The following KCMF1 variants were observed in gnomAD, a reference collection of about 807,000 sequenced individuals.
KCMF1 encodes the protein potassium channel modulatory factor 1, also known as E3 ubiquitin-protein ligase KCMF1.
A neutral mutation model predicts 41.1 loss-of-function variants in KCMF1; 3 were observed. The ratio of observed to expected loss-of-function variants is 0.07; its 90% confidence interval spans 0.03 to 0.19. The LOEUF (loss-of-function observed/expected upper bound fraction) is 0.19. KCMF1 is among the 10% of genes least tolerant of loss of function. The probability of loss-of-function intolerance (pLI) is 1.00; values close to 1 mark genes in which losing one functional copy is unlikely to be tolerated. For missense variants in KCMF1, 286 were observed against 488.9 expected (o/e 0.58, Z 3.91); for synonymous variants, 142 against 164.5 (o/e 0.86, Z 1.04).
At chr2:84,997,649 T>A (rs1312085732) in intron 1 of KCMF1, among the ~76,000 whole-genome samples, 1 of 152,090 alleles carries the variant, frequency 6.6e-6, no homozygotes, top group African/African-American at 2.4e-5. Context: ...TTGAGTGGTG[T>A]CTGTTCAGTT....
intron 2 of KCMF1, among the ~76,000 whole-genome samples, chr2:85,031,481 C>G (rs1675265860): frequency 6.6e-6 from 1 of 152,090 alleles, no homozygotes; most frequent in African/African-American, 2.4e-5. Context: ...TACAACCATG[C>G]TGTTTTTCAT....
chr2:84,988,058 TA>T (rs199882060), intron 1 of KCMF1, among the ~76,000 whole-genome samples: 2 of 150,830 alleles, frequency 1.3e-5, no homozygotes, highest in Non-Finnish European at 3.0e-5. Flanking sequence ...CCGTCTCTAC[TA>T]AAAAAAAATA....
At chr2:85,047,395 C>T (rs1307404308) in intron 5 of KCMF1, among the ~76,000 whole-genome samples, 2 of 152,056 alleles carry the variant, frequency 1.3e-5, no homozygotes, top group Non-Finnish European at 2.9e-5. Flanking sequence ...TTGTGCAAGG[C>T]GCCTCATGGC....
chr2:85,029,043 C>A (rs62162798), intron 2 of KCMF1, among the ~76,000 whole-genome samples: 2 of 152,134 alleles, frequency 1.3e-5, no homozygotes, highest in Non-Finnish European at 2.9e-5. Context: ...GATTTCGGCT[C>A]ACTGCAACAT....
intron 1 of KCMF1, among the ~76,000 whole-genome samples, chr2:85,002,882 ATAACTATATATACTACTGTACTTGT>A (rs1219360949): frequency 6.6e-6 from 1 of 152,182 alleles, no homozygotes; most frequent in Non-Finnish European, 1.5e-5. Context: ...TACTAACTAT[ATAACTATATATACTACTGTACTTGT>A]TTCCCATTTT....
chr2:85,009,123 G>C (rs1165838757), intron 1 of KCMF1, among the ~76,000 whole-genome samples: 1 of 152,042 alleles, frequency 6.6e-6, no homozygotes, highest in Non-Finnish European at 1.5e-5. Flanking sequence ...GTCAGTGGGA[G>C]GTGATTGAAT....
chr2:85,047,550 G>T (rs933779270), intron 5 of KCMF1, among the ~76,000 whole-genome samples: 2 of 149,404 alleles, frequency 1.3e-5, no homozygotes, highest in Non-Finnish European at 3.0e-5. Context: ...CTATATTGTT[G>T]TAGAACATAC....
chr2:84,978,569 C>A (rs1456594365), intron 1 of KCMF1, among the ~76,000 whole-genome samples: 2 of 149,252 alleles, frequency 1.3e-5, no homozygotes, highest in Non-Finnish European at 3.0e-5. Context: ...TTTTTTGAGA[C>A]AGAGTCTCAC....
Position 85,055,742 on chromosome 2 carries a change from T to G in KCMF1, c.*2333T>G, listed in dbSNP as rs1456825474. On this transcript the variant is annotated 3_prime_UTR_variant, in exon 7 of 7. Coordinates refer to ENST00000409785, the MANE Select transcript of KCMF1 (RefSeq NM_020122.5). ...TTTCTTTAGTTTCTGAATGAAAATC[T>G]TATTACTGGATGTACTATTGAATAA... is the stretch of plus-strand genomic sequence containing the variant. 1.3e-5 allele frequency: 2 copies of G among 152,232 alleles called. No homozygotes were observed. Among genetic ancestry groups the G allele is most frequent in the East Asian group, 3.8e-4 (2 of 5,198 alleles). The allele number at this position is 152,232 out of a possible 1,614,324, so 9.4% of individuals were successfully genotyped here.
At position 85,054,121 on chromosome 2, in the gene KCMF1, G is replaced by A. The variant is rs2104072906; in HGVS notation, c.*712G>A. 6.6e-6 allele frequency: 1 copy of A among 152,326 alleles called. No individual in the cohort carries two copies. Among genetic ancestry groups the A allele is most frequent in the East Asian group, 1.9e-4 (1 of 5,188 alleles). 9.4% of individuals were successfully genotyped at this position (152,326 alleles called of 1,614,324 possible). ...TAGAAGACACACCAGTAAAGCTACTGTTGGAATCTGCTGCAGGGGCCTTTG... is the reference window on the plus strand; with the variant it reads ...TAGAAGACACACCAGTAAAGCTACTATTGGAATCTGCTGCAGGGGCCTTTG... On this transcript the variant is annotated 3_prime_UTR_variant, in exon 7 of 7. Transcript: ENST00000409785.
At chr2:85,050,608 G>A (rs557885762) in intron 6 of KCMF1, among the ~76,000 whole-genome samples, 4 of 152,354 alleles carry the variant, frequency 2.6e-5, no homozygotes, top group African/African-American at 9.6e-5. Context: ...GCAATGATGA[G>A]TGGAGACTTA....
Position 85,056,808 on chromosome 2 carries a change from T to G in KCMF1, c.*3399T>G, listed in dbSNP as rs1244831907. ...AGAGAAGCCCTGCAGCCGTGTTTACTATATATGACATGCCTGTTTCTTAGT... is the reference window on the plus strand; with the variant it reads ...AGAGAAGCCCTGCAGCCGTGTTTACGATATATGACATGCCTGTTTCTTAGT... On this transcript the variant is annotated 3_prime_UTR_variant, in exon 7 of 7. Coordinates refer to ENST00000409785, the MANE Select transcript of KCMF1 (RefSeq NM_020122.5). 6.6e-6 allele frequency: 1 copy of G among 152,236 alleles called. No homozygotes were observed. The highest frequency in any genetic ancestry group is 2.4e-5 in the African/African-American group (1 of 41,454). 9.4% of individuals were successfully genotyped at this position (152,236 alleles called of 1,614,324 possible).
chr2:84,999,396 C>T (rs571850614), intron 1 of KCMF1, among the ~76,000 whole-genome samples: 1 of 152,260 alleles, frequency 6.6e-6, no homozygotes, highest in East Asian at 1.9e-4. Context: ...CGTGATCTGC[C>T]TGCCTCGGCC....
intron 1 of KCMF1, among the ~76,000 whole-genome samples, chr2:85,022,886 CTTTT>C (rs34732141): frequency 8.9e-6 from 1 of 111,738 alleles, no homozygotes; most frequent in Middle Eastern, 6.0e-3. Context: ...TGTATGTATT[CTTTT>C]TTTTTTTTTT....
rs1674539270 is a variant in KCMF1, at chr2:85,008,314, T to TAAATCATATATAATATATAATATG, written c.17-19574_17-19573insAATCATATATAATATATAATATGA. Among the ~76,000 whole-genome samples the TAAATCATATATAATATATAATATG allele has an allele frequency of 4.0e-5, 4 of 101,044 alleles. 1 individual carries two copies. Among genetic ancestry groups the TAAATCATATATAATATATAATATG allele is most frequent in the African/African-American group, 1.8e-4 (4 of 22,216 alleles). 66.3% of individuals were successfully genotyped at this position (101,044 alleles called of 152,430 possible). A position where few individuals can be genotyped will look rare whatever the true frequency, so the allele number is the denominator to read the frequency against. Reference sequence around the variant, plus strand: ...AATATATATAATATATAATATGATATATATATCATATATAATATATAATAT... The same window carrying TAAATCATATATAATATATAATATG: ...AATATATATAATATATAATATGATATAAATCATATATAATATATAATATGATATATCATATATAATATATAATAT... On this transcript the variant is annotated intron_variant, in intron 1 of 6. Coordinates refer to ENST00000409785, the MANE Select transcript of KCMF1 (RefSeq NM_020122.5).
intron 1 of KCMF1, among the ~76,000 whole-genome samples, chr2:84,981,060 GA>G (rs34832404): frequency 0.17 from 25,246 of 145,894 alleles, 2,424 homozygotes; most frequent in African/African-American, 0.28. Flanking sequence ...ACTGCTACTA[GA>G]AAAAAAAAAA....
chr2:85,042,977 A>C (rs1675576923), intron 3 of KCMF1, among the ~76,000 whole-genome samples: 1 of 152,086 alleles, frequency 6.6e-6, no homozygotes, highest in Non-Finnish European at 1.5e-5. Flanking sequence ...CTACCACCCC[A>C]TTTCTTCAGG....
At chr2:85,029,324 G>A (rs926640764) in intron 2 of KCMF1, among the ~76,000 whole-genome samples, 2 of 152,100 alleles carry the variant, frequency 1.3e-5, no homozygotes, top group African/African-American at 4.8e-5. Context: ...GCTAACGCCT[G>A]TAATCCCAGC....
At chr2:85,038,160 A>G (rs72930909) in intron 3 of KCMF1, among the ~76,000 whole-genome samples, 3,734 of 152,328 alleles carry the variant, frequency 0.025, 151 homozygotes, top group African/African-American at 0.085. Context: ...CTTCAGCACT[A>G]TGATGGGAGA....
Sources: gnomAD v4.1 joint callset for allele counts (sites outside exome capture counted in the v4.1 genomes callset) on GRCh38, gnomAD v4.1.1 for gene constraint, MANE v1.5 for transcripts, NCBI Gene and HGNC (gene_info 2026-07-23, HGNC 2026-07-21) for gene names.